TTLL5: variants seen among roughly 807,000 people sequenced by gnomAD.
TTLL5 encodes tubulin polyglutamylase TTLL5.
In TTLL5, 132 loss-of-function variants were observed where a neutral mutation model predicts 168.4. That is an observed-to-expected ratio of 0.78 (90% CI 0.68 to 0.91). The LOEUF (loss-of-function observed/expected upper bound fraction) is 0.91, where lower values mean the gene tolerates loss of function less well. Ranked by LOEUF, TTLL5 falls within the 40% of genes least tolerant of loss-of-function variation. TTLL5 has a pLI of 0.00. For missense variants in TTLL5, 1,545 were observed against 1,581.5 expected (o/e 0.98, Z 0.39); for synonymous variants, 546 against 558.6 (o/e 0.98, Z 0.32).
chr14:75,851,621 A>T (rs1020116099), intron 28 of TTLL5, among the ~76,000 whole-genome samples: 4 of 152,202 alleles, frequency 2.6e-5, no homozygotes, highest in Non-Finnish European at 5.9e-5. Context: ...GGCGTGGAGC[A>T]GCAGGCTTCC....
At chr14:75,893,879 G>A (rs957812901) in intron 30 of TTLL5, among the ~76,000 whole-genome samples, 2 of 149,524 alleles carry the variant, frequency 1.3e-5, no homozygotes, top group African/African-American at 2.5e-5. Context: ...CAAAGTCTAA[G>A]AGTATACCTG....
chr14:75,712,644 A>G (rs1887168690), intron 9 of TTLL5: 1 of 151,958 alleles, frequency 6.6e-6, no homozygotes, highest in African/African-American at 2.4e-5. Flanking sequence ...ATCTTGGAGC[A>G]AGCAACTCCA....
chr14:75,914,017 G>GAAAA lies in TTLL5; in HGVS notation c.3823+11807_3823+11810dup, dbSNP rs1201862659. Among the ~76,000 whole-genome samples, 61 of 31,038 alleles carry GAAAA rather than the reference G, an allele frequency of 2.0e-3. 4 individuals carry two copies. Among genetic ancestry groups the GAAAA allele is most frequent in the African/African-American group, 7.7e-3 (33 of 4,260 alleles). The allele number at this position is 31,038 out of a possible 152,430, so 20.4% of individuals were successfully genotyped here. ...GCGACAGAGGAAGACTGTTTAAAAG[G>GAAAA]AAAAAAAAAAAAAAAAATATATATA... On this transcript the variant is annotated intron_variant, in intron 31 of 31. Transcript: ENST00000298832.
chr14:75,878,458 G>T (rs1595194387), intron 29 of TTLL5, among the ~76,000 whole-genome samples: 2 of 152,168 alleles, frequency 1.3e-5, no homozygotes, highest in South Asian at 4.1e-4. Context: ...GAACATGAAA[G>T]GGCATAAGGT....
At chr14:75,732,000 C>CTTT (rs762598685) in intron 12 of TTLL5, among the ~76,000 whole-genome samples, 34 of 129,572 alleles carry the variant, frequency 2.6e-4, no homozygotes, top group African/African-American at 9.6e-4. Flanking sequence ...TTCCCCGCCT[C>CTTT]TTTTTTTTTT....
rs1053484993 is a variant in TTLL5 at position 75,776,640 on chromosome 14, A to G, written c.2284-107A>G. ...CATACAAGAATTAAATGTCTTTACT[A>G]TAAGGACAGATTAACTCAAGGCTAT... On this transcript the variant is annotated intron_variant, in intron 22 of 31. Coordinates refer to ENST00000298832, the MANE Select transcript of TTLL5 (RefSeq NM_015072.5). 1.3e-5 allele frequency: 9 copies of G among 712,246 alleles called. No individual in the cohort carries two copies. In the Admixed American group the frequency reaches 1.8e-4, roughly 14 times the overall value. The allele number at this position is 712,246 out of a possible 1,614,324, so 44.1% of individuals were successfully genotyped here.
In TTLL5 at chr14:75,681,527, G is replaced by T. The variant is rs1566812277; in HGVS notation, c.182-18G>T. 1.9e-6 allele frequency: 3 copies of T among 1,609,188 alleles called. No homozygotes were observed. In the South Asian group the frequency reaches 3.3e-5, roughly 18 times the overall value. ...AGTTAACTTTCTAGTTACTGAACTT[G>T]ATTCTGTTTTTCTTTAGAACGTTAT... On this transcript the variant is annotated intron_variant, in intron 3 of 31. Coordinates refer to ENST00000298832, the MANE Select transcript of TTLL5 (RefSeq NM_015072.5).
intron 30 of TTLL5, among the ~76,000 whole-genome samples, chr14:75,892,555 T>C (rs2032452815): frequency 6.6e-6 from 1 of 151,676 alleles, no homozygotes; most frequent in South Asian, 2.1e-4. Context: ...ACTGGGGGAG[T>C]GCGACTGGCA....
chr14:75,754,704 C>G (rs1404231526), intron 18 of TTLL5, among the ~76,000 whole-genome samples: 1 of 152,142 alleles, frequency 6.6e-6, no homozygotes, highest in Non-Finnish European at 1.5e-5. Flanking sequence ...ACCGTAATTT[C>G]AAACAGTGAT....
chr14:75,849,391 T>C (rs1442921175), intron 28 of TTLL5, among the ~76,000 whole-genome samples: 1 of 152,260 alleles, frequency 6.6e-6, no homozygotes, highest in Non-Finnish European at 1.5e-5. Flanking sequence ...GTTCTTATGA[T>C]GGCTAATTTC....
intron 18 of TTLL5, among the ~76,000 whole-genome samples, chr14:75,754,623 G>A (rs1203741027): frequency 6.6e-6 from 1 of 152,170 alleles, no homozygotes; most frequent in South Asian, 2.1e-4. Flanking sequence ...TAAACAATTT[G>A]AGGTATAATA....
intron 7 of TTLL5, among the ~76,000 whole-genome samples, chr14:75,705,761 C>T (rs1431204865): frequency 6.6e-6 from 1 of 152,158 alleles, no homozygotes. Flanking sequence ...TAGCTATTAT[C>T]AACCTAATTA....
intron 24 of TTLL5, among the ~76,000 whole-genome samples, chr14:75,780,303 T>C (rs764414934): frequency 6.6e-6 from 1 of 152,176 alleles, no homozygotes; most frequent in South Asian, 2.1e-4. Flanking sequence ...GGAAGTCTAA[T>C]ATACTTGGTT....
At chr14:75,848,660 C>A (rs1435126499) in intron 28 of TTLL5, among the ~76,000 whole-genome samples, 1 of 152,090 alleles carries the variant, frequency 6.6e-6, no homozygotes, top group Non-Finnish European at 1.5e-5. Flanking sequence ...CTGGTTATGC[C>A]AAAATAAAGA....
intron 28 of TTLL5, among the ~76,000 whole-genome samples, chr14:75,828,049 A>G (rs531142528): frequency 4.6e-5 from 7 of 152,144 alleles, no homozygotes; most frequent in African/African-American, 1.2e-4. Flanking sequence ...AAGTTTTGCT[A>G]TCTTTCTGTG....
intron 28 of TTLL5, among the ~76,000 whole-genome samples, chr14:75,858,362 T>C (rs1444490917): frequency 6.6e-6 from 1 of 152,250 alleles, no homozygotes; most frequent in Non-Finnish European, 1.5e-5. Flanking sequence ...ATGCCAGTGC[T>C]ACTTAAGAGT....
chr14:75,953,900 A>T (rs1032848123), intron 31 of TTLL5, among the ~76,000 whole-genome samples: 2 of 152,194 alleles, frequency 1.3e-5, no homozygotes, highest in Non-Finnish European at 1.5e-5. Context: ...CAGAAAAGAA[A>T]CAGCAGTAGA....
At chr14:75,770,214 T>C (rs1194560367) in intron 20 of TTLL5, among the ~76,000 whole-genome samples, 1 of 150,188 alleles carries the variant, frequency 6.7e-6, no homozygotes, top group East Asian at 1.9e-4. Context: ...TATAAGTGTA[T>C]TATTTCAAAA....
chr14:75,889,215 G>T (rs1233900679), intron 30 of TTLL5, among the ~76,000 whole-genome samples: 1 of 151,984 alleles, frequency 6.6e-6, no homozygotes, highest in African/African-American at 2.4e-5. Flanking sequence ...AATTGAATTC[G>T]CAAACTAAAA....
Sources: allele counts gnomAD v4.1 joint callset (sites outside exome capture counted in the v4.1 genomes callset), GRCh38; gene constraint gnomAD v4.1.1; transcripts MANE v1.5; gene names NCBI Gene and HGNC (gene_info 2026-07-23, HGNC 2026-07-21).